EFL1: variants seen among roughly 807,000 people sequenced by gnomAD.
EFL1 encodes the protein elongation factor like GTPase 1, also known as elongation factor-like GTPase 1.
EFL1 carries 76 observed loss-of-function variants against 126.7 expected under a neutral mutation model. The observed-to-expected ratio is 0.60, with a 90% CI of 0.50 to 0.73. The LOEUF is 0.73. Among genes scored for constraint, EFL1 ranks in the 30% least tolerant of loss-of-function variants. EFL1 has a pLI of 0.00. For missense variants in EFL1, 1,128 were observed against 1,343.2 expected, an observed-to-expected ratio of 0.84 and a Z score of 2.50; for synonymous variants, 410 against 448.4, an observed-to-expected ratio of 0.91 and a Z score of 1.08.
chr15:82,148,504 A>G (rs1325531176), intron 18 of EFL1, among the ~76,000 whole-genome samples: 2 of 152,200 alleles, frequency 1.3e-5, no homozygotes, highest in African/African-American at 4.8e-5. Context: ...AGAAACTAGT[A>G]TCATGTTACA....
At chr15:82,216,108 T>C (rs1484755157) in intron 14 of EFL1, among the ~76,000 whole-genome samples, 4 of 152,106 alleles carry the variant, frequency 2.6e-5, no homozygotes, top group Non-Finnish European at 5.9e-5. Context: ...ATAAATAGAA[T>C]AGCAATAAAT....
chr15:82,167,925 T>A (rs2074096130), intron 15 of EFL1, among the ~76,000 whole-genome samples: 1 of 152,244 alleles, frequency 6.6e-6, no homozygotes, highest in Non-Finnish European at 1.5e-5. Flanking sequence ...CCTGTTCCTG[T>A]TAACCTGTTT....
intron 15 of EFL1, among the ~76,000 whole-genome samples, chr15:82,201,980 A>C (rs2074473727): frequency 6.6e-6 from 1 of 151,502 alleles, no homozygotes. Context: ...CCGAATCTGG[A>C]GTGGGGCTCC....
chr15:82,187,482 G>C (rs1387317909), intron 15 of EFL1, among the ~76,000 whole-genome samples: 1 of 152,078 alleles, frequency 6.6e-6, no homozygotes, highest in Non-Finnish European at 1.5e-5. Flanking sequence ...ATTTTGGTCA[G>C]AAAATAATAG....
chr15:82,141,900 T>G (rs922339968), intron 18 of EFL1, among the ~76,000 whole-genome samples: 5 of 152,162 alleles, frequency 3.3e-5, no homozygotes, highest in African/African-American at 1.2e-4. Flanking sequence ...ATAGTTAACA[T>G]GTAATTTTGA....
chr15:82,216,414 C>T (rs770859927), intron 14 of EFL1, among the ~76,000 whole-genome samples: 33 of 152,028 alleles, frequency 2.2e-4, no homozygotes, highest in Non-Finnish European at 4.4e-4. Flanking sequence ...TAGGAACAAA[C>T]AAGACACTAA....
intron 4 of EFL1, among the ~76,000 whole-genome samples, chr15:82,248,455 C>T (rs1304014559): frequency 2.0e-5 from 3 of 152,168 alleles, no homozygotes; most frequent in Non-Finnish European, 2.9e-5. Context: ...GTCAGTGTCT[C>T]CATGGCCTAG....
chr15:82,199,121 C>T (rs1279086134), intron 15 of EFL1, among the ~76,000 whole-genome samples: 2 of 152,048 alleles, frequency 1.3e-5, no homozygotes, highest in African/African-American at 4.8e-5. Context: ...TTCCTTCCTC[C>T]CTCTCTCACA....
chr15:82,199,026 C>A (rs151098763), intron 15 of EFL1, among the ~76,000 whole-genome samples: 5 of 151,820 alleles, frequency 3.3e-5, no homozygotes, highest in African/African-American at 1.2e-4. Flanking sequence ...TAGTTCACTG[C>A]ATTAAAAAAA....
At chr15:82,201,898 C>CT (rs996043910) in intron 15 of EFL1, among the ~76,000 whole-genome samples, 13 of 150,158 alleles carry the variant, frequency 8.7e-5, no homozygotes, top group African/African-American at 3.2e-4. Context: ...CCTCCTCCTA[C>CT]TTTAAGCCAC....
intron 15 of EFL1, among the ~76,000 whole-genome samples, chr15:82,188,974 C>T (rs1470856059): frequency 2.8e-5 from 4 of 144,458 alleles, no homozygotes; most frequent in East Asian, 2.1e-4. Context: ...AGTCATGCAT[C>T]GCTTAACAAC....
intron 17 of EFL1, 122 bp from the exon 18 acceptor site, chr15:82,152,545 CT>C: frequency 4.5e-6 from 4 of 887,946 alleles, no homozygotes; most frequent in Non-Finnish European, 6.6e-6. Flanking sequence ...AATTATCTTA[CT>C]ATGAAAGATC....
At chr15:82,132,683 G>GGTGC (rs1555423081) in intron 19 of EFL1, among the ~76,000 whole-genome samples, 59 of 58,940 alleles carry the variant, frequency 1.0e-3, no homozygotes, top group African/African-American at 4.1e-3. Context: ...CCAGGAATTG[G>GGTGC]GGGGGGGGGG....
rs1013423520 is a variant in EFL1 at position 82,207,690 on chromosome 15, A to C, written c.1750+7027T>G. On this transcript the variant is annotated intron_variant, in intron 15 of 19. Coordinates refer to ENST00000268206, the MANE Select transcript of EFL1 (RefSeq NM_024580.6). ...AATAACTCTTATTTAGCTTATCTGC[A>C]TTTTCAAAGTTGAGAATAATTGATT... 2.7e-5 allele frequency among the ~76,000 whole-genome samples: 4 copies of C among 150,922 alleles called. No individual in the cohort carries two copies. In the South Asian group the frequency reaches 8.4e-4, roughly 32 times the overall value.
At chr15:82,256,923 A>G (rs2075071760) in intron 3 of EFL1, among the ~76,000 whole-genome samples, 1 of 152,182 alleles carries the variant, frequency 6.6e-6, no homozygotes, top group Non-Finnish European at 1.5e-5. Context: ...TAATTCTCCT[A>G]TATTGTACTA....
rs181130918 is a variant in EFL1, at chr15:82,165,292, C to T, written c.1751-1308G>A. Among the ~76,000 whole-genome samples the T allele has an allele frequency of 1.3e-3, 192 of 151,944 alleles. 1 individual carries two copies. Among genetic ancestry groups the T allele is most frequent in the Middle Eastern group, 3.4e-3 (1 of 294 alleles). Reference sequence around the variant, plus strand: ...AAGAGAGAGAGTGAAAGAGAGAGAGCGAGAGAAACACACACACACGGGCCA... The same window carrying T: ...AAGAGAGAGAGTGAAAGAGAGAGAGTGAGAGAAACACACACACACGGGCCA... On this transcript the variant is annotated intron_variant, in intron 15 of 19. Transcript: ENST00000268206.
chr15:82,240,294 C>G, intron 6 of EFL1, 124 bp downstream of exon 6: 4 of 873,206 alleles, frequency 4.6e-6, no homozygotes, highest in Non-Finnish European at 6.9e-6. Flanking sequence ...AGAATAACAG[C>G]AACACGTATG....
intron 15 of EFL1, among the ~76,000 whole-genome samples, chr15:82,203,021 A>G (rs879842128): frequency 9.2e-5 from 14 of 152,168 alleles, no homozygotes; most frequent in Non-Finnish European, 1.9e-4. Context: ...CATGTTGGCC[A>G]GGCTGGTCTC....
chr15:82,257,759 C>T (rs2075078644), intron 3 of EFL1, among the ~76,000 whole-genome samples: 1 of 152,092 alleles, frequency 6.6e-6, no homozygotes, highest in African/African-American at 2.4e-5. Flanking sequence ...AATTAAAGTC[C>T]ATAGTTTACA....
Sources: allele counts gnomAD v4.1 joint callset (sites outside exome capture counted in the v4.1 genomes callset), GRCh38; gene constraint gnomAD v4.1.1; transcripts MANE v1.5; gene names NCBI Gene and HGNC (gene_info 2026-07-23, HGNC 2026-07-21).